AATF: variants seen among roughly 807,000 people sequenced by gnomAD.
AATF encodes the protein apoptosis antagonizing transcription factor.
Under a neutral mutation model 63.7 loss-of-function variants are expected in AATF, and 48 were observed. The ratio of observed to expected loss-of-function variants is 0.75; its 90% CI spans 0.60 to 0.96. The LOEUF (loss-of-function observed/expected upper bound fraction) is 0.96. AATF is among the 40% of genes least tolerant of loss of function. The pLI, the probability that AATF is intolerant of heterozygous loss-of-function variation, is 0.00. For missense variants in AATF, 639 were observed against 685.7 expected, an observed-to-expected ratio of 0.93 and a Z score of 0.76; for synonymous variants, 258 against 247.7, an observed-to-expected ratio of 1.04 and a Z score of -0.39.
Position 36,986,745 on chromosome 17 carries a change from A to G in AATF, c.947+14A>G. 1 of 1,588,658 alleles carries G rather than the reference A, an allele frequency of 6.3e-7. No homozygotes were observed. Among genetic ancestry groups the G allele is most frequent in the Non-Finnish European group, 8.6e-7 (1 of 1,157,904 alleles). ...CAATGCGGGAAGGTAAGAGAACAGA[A>G]TCATGGAGTTGCTTATTTTCTTTTC... On this transcript the variant is annotated intron_variant, in intron 5 of 11. Coordinates refer to ENST00000619387, the MANE Select transcript of AATF (RefSeq NM_012138.4).
chr17:37,007,260 G>A (rs1300369747), intron 8 of AATF, among the ~76,000 whole-genome samples: 2 of 151,830 alleles, frequency 1.3e-5, no homozygotes, highest in East Asian at 1.9e-4. Flanking sequence ...CAGTCATAGC[G>A]CACTGCAACC....
At chr17:36,955,683 T>G (rs899200862) in intron 4 of AATF, among the ~76,000 whole-genome samples, 8 of 152,192 alleles carry the variant, frequency 5.3e-5, no homozygotes, top group Admixed American at 2.6e-4. Flanking sequence ...TTTTTCATTT[T>G]AAAAAATTCA....
At position 37,006,900 on chromosome 17, in the gene AATF, A is replaced by C. The variant is rs138431103; in HGVS notation, c.1399-12105A>C. On this transcript the variant is annotated intron_variant, in intron 8 of 11. Transcript: ENST00000619387. ...AGGCATGCTGCAACGCAGAATCAAA[A>C]AGTGGAAAAACTAATCAAATCCTTA... Among the ~76,000 whole-genome samples, 676 of 152,328 alleles carry C rather than the reference A, an allele frequency of 4.4e-3. 4 individuals carry two copies. The highest frequency in any genetic ancestry group is 0.014 in the African/African-American group (602 of 41,584).
At chr17:36,954,668 A>C (rs1217540845) in intron 4 of AATF, among the ~76,000 whole-genome samples, 1 of 152,234 alleles carries the variant, frequency 6.6e-6, no homozygotes, top group Non-Finnish European at 1.5e-5. Context: ...GAATTGAGAG[A>C]CTATTTGGTT....
chr17:36,953,914 A>G lies in AATF; in HGVS notation c.832+7A>G. The G allele has an allele frequency of 6.2e-7, 1 of 1,613,314 alleles. No individual in the cohort carries two copies. The highest frequency in any genetic ancestry group is 8.5e-7 in the Non-Finnish European group (1 of 1,179,728). On this transcript the variant is annotated splice_region_variant and intron_variant, in intron 4 of 11. Transcript: ENST00000619387. The stretch of plus-strand genomic sequence containing the variant: ...TCCAGTGCCCTGAAAAATAGTAAGA[A>G]TACTTATGTCCTGTTGGAATACTTA...
At chr17:37,027,601 TAAAAAG>T (rs1401338999) in intron 10 of AATF, among the ~76,000 whole-genome samples, 7 of 152,154 alleles carry the variant, frequency 4.6e-5, no homozygotes, top group African/African-American at 1.2e-4. Flanking sequence ...ATTGAAAAAG[TAAAAAG>T]AAAAAGATGA....
chr17:37,054,874 T>G (rs926083510), intron 11 of AATF: 2 of 152,250 alleles, frequency 1.3e-5, no homozygotes, highest in African/African-American at 4.8e-5. Flanking sequence ...GCCATTTAAT[T>G]TTTTGTGTGG....
Position 36,948,986 on chromosome 17 carries a change from G to A in AATF, c.-140G>A, listed in dbSNP as rs540883529. 19 of 765,148 alleles carry A rather than the reference G, an allele frequency of 2.5e-5. No individual in the cohort carries two copies. In the South Asian group the frequency reaches 2.9e-4, roughly 12 times the overall value. 47.4% of individuals were successfully genotyped at this position (765,148 alleles called of 1,614,324 possible). ...CCGGAAGTGGCCGGTCCAGAGCTGTGGGGTGGCCTCCGCGCGGTCTCTGGC... is the reference window on the plus strand; with the variant it reads ...CCGGAAGTGGCCGGTCCAGAGCTGTAGGGTGGCCTCCGCGCGGTCTCTGGC... On this transcript the variant is annotated 5_prime_UTR_variant, in exon 1 of 12. Coordinates refer to ENST00000619387, the MANE Select transcript of AATF (RefSeq NM_012138.4).
intron 7 of AATF, among the ~76,000 whole-genome samples, chr17:36,989,887 A>C (rs1208626750): frequency 2.0e-5 from 3 of 152,172 alleles, no homozygotes; most frequent in Admixed American, 6.5e-5. Context: ...AGCAACTTAA[A>C]ATGAAAAGCA....
At chr17:37,048,291 C>G (rs751550129) in intron 11 of AATF, among the ~76,000 whole-genome samples, 2 of 151,118 alleles carry the variant, frequency 1.3e-5, no homozygotes, top group Admixed American at 1.3e-4. Context: ...AACTCCTTAT[C>G]AGCACTGTGT....
At chr17:37,014,468 G>A (rs1458125950) in intron 8 of AATF, among the ~76,000 whole-genome samples, 1 of 152,102 alleles carries the variant, frequency 6.6e-6, no homozygotes, top group Non-Finnish European at 1.5e-5. Context: ...AACTGGGACA[G>A]GTAAAGTGCT....
Position 36,948,962 on chromosome 17 carries a change from C to T in AATF, c.-164C>T. 1.7e-6 allele frequency: 1 copy of T among 599,118 alleles called. No homozygotes were observed. The highest frequency in any genetic ancestry group is 2.8e-6 in the Non-Finnish European group (1 of 354,566). The allele number at this position is 599,118 out of a possible 1,614,324, so 37.1% of individuals were successfully genotyped here. A position where few individuals can be genotyped will look rare whatever the true frequency, so the allele number is the denominator to read the frequency against. The stretch of plus-strand genomic sequence containing the variant: ...GCCCCGCCCCCTCCCGCGCGCCTCC[C>T]GGAAGTGGCCGGTCCAGAGCTGTGG... On this transcript the variant is annotated 5_prime_UTR_variant, in exon 1 of 12. Transcript: ENST00000619387.
intron 10 of AATF, among the ~76,000 whole-genome samples, chr17:37,029,816 C>A (rs183320444): frequency 1.3e-5 from 2 of 152,064 alleles, no homozygotes; most frequent in Non-Finnish European, 2.9e-5. Context: ...TCTGCCCCCC[C>A]TCAGCCTCCC....
intron 7 of AATF, 37 bp from the exon 8 acceptor site, chr17:36,990,737 T>G: frequency 7.6e-7 from 1 of 1,314,350 alleles, no homozygotes; most frequent in Non-Finnish European, 1.1e-6. Context: ...GATAGCCTTG[T>G]TGGGATTCAC....
At chr17:36,971,506 T>C (rs983932515) in intron 4 of AATF, among the ~76,000 whole-genome samples, 2 of 152,198 alleles carry the variant, frequency 1.3e-5, no homozygotes, top group African/African-American at 4.8e-5. Flanking sequence ...GGAAAAACAG[T>C]CTGGCAGTTT....
At chr17:37,025,463 C>T (rs1468206259) in intron 10 of AATF, among the ~76,000 whole-genome samples, 2 of 152,000 alleles carry the variant, frequency 1.3e-5, no homozygotes, top group Non-Finnish European at 2.9e-5. Context: ...AAGAGGAGCC[C>T]ATAAAGAATG....
At chr17:36,970,356 T>C (rs1294271338) in intron 4 of AATF, among the ~76,000 whole-genome samples, 1 of 152,172 alleles carries the variant, frequency 6.6e-6, no homozygotes, top group Non-Finnish European at 1.5e-5. Context: ...TCTCTCATTC[T>C]TTGCCTTTCT....
chr17:37,001,458 A>AGGAAGGAAGG (rs1227312681), intron 8 of AATF, among the ~76,000 whole-genome samples: 1 of 150,046 alleles, frequency 6.7e-6, no homozygotes, highest in Non-Finnish European at 1.5e-5. Context: ...GAAGGAAGAA[A>AGGAAGGAAGG]AAAAAAAAAA....
chr17:36,954,722 TG>T (rs1172860348), intron 4 of AATF, among the ~76,000 whole-genome samples: 5 of 152,202 alleles, frequency 3.3e-5, no homozygotes, highest in African/African-American at 1.2e-4. Flanking sequence ...AGACCCAGAA[TG>T]ACTTGCCCAA....
Sources: gnomAD v4.1 joint callset for allele counts (sites outside exome capture counted in the v4.1 genomes callset) on GRCh38, gnomAD v4.1.1 for gene constraint, MANE v1.5 for transcripts, NCBI Gene and HGNC (gene_info 2026-07-23, HGNC 2026-07-21) for gene names.